Variants in PMF1 observed in about 807,000 individuals in gnomAD.
PMF1 encodes polyamine modulated factor 1.
Under a neutral mutation model 26.7 loss-of-function variants are expected in PMF1, and 21 were observed. That is an observed-to-expected ratio of 0.79 (90% confidence interval 0.56 to 1.13). PMF1 has a LOEUF of 1.13. Among genes scored for constraint, PMF1 ranks in the 50% most tolerant of loss-of-function variants. The pLI is 0.00. For missense variants in PMF1, 266 were observed against 254.9 expected (o/e 1.04, Z -0.30); for synonymous variants, 105 against 101.0 (o/e 1.04, Z -0.24).
intron 1 of PMF1, among the ~76,000 whole-genome samples, chr1:156,229,254 T>G (rs1572496180): frequency 1.3e-5 from 2 of 152,024 alleles, no homozygotes; most frequent in Non-Finnish European, 2.9e-5. Flanking sequence ...CAAGGTGTAC[T>G]CACATGGAAT....
intron 1 of PMF1, among the ~76,000 whole-genome samples, chr1:156,216,757 C>T (rs1462021690): frequency 6.6e-6 from 1 of 151,970 alleles, no homozygotes; most frequent in East Asian, 1.9e-4. Context: ...GCGTGTCAGG[C>T]GTTCTCGTCT....
chr1:156,234,803 C>T (rs61814764), intron 3 of PMF1, among the ~76,000 whole-genome samples: 1 of 151,976 alleles, frequency 6.6e-6, no homozygotes, highest in African/African-American at 2.4e-5. Flanking sequence ...GCCCTCGCGC[C>T]CAGCCTCGAT....
chr1:156,213,291 G>C, intron 1 of PMF1, 115 bp downstream of exon 1: 2 of 1,460,748 alleles, frequency 1.4e-6, no homozygotes, highest in Non-Finnish European at 1.8e-6. Context: ...TGGGGGCGGG[G>C]CAGTCGGACG....
chr1:156,230,471 G>A (rs1017443322), intron 1 of PMF1, among the ~76,000 whole-genome samples: 1 of 152,160 alleles, frequency 6.6e-6, no homozygotes, highest in African/African-American at 2.4e-5. Flanking sequence ...TGGGAGGGCC[G>A]TGTCAGTCTT....
intron 1 of PMF1, chr1:156,220,763 TCTC>T (rs1658038326): frequency 6.6e-6 from 1 of 151,738 alleles, no homozygotes; most frequent in Non-Finnish European, 1.5e-5. Context: ...TTCAAGCAAT[TCTC>T]CTCAGCCTCC....
At chr1:156,216,515 G>A (rs977337575) in intron 1 of PMF1, among the ~76,000 whole-genome samples, 2 of 152,132 alleles carry the variant, frequency 1.3e-5, no homozygotes, top group Non-Finnish European at 2.9e-5. Context: ...CTGGCCTACC[G>A]GTGACCCGGC....
intron 2 of PMF1, 29 bp from the exon 3 acceptor site, chr1:156,233,599 A>G (rs1032447306): frequency 6.2e-7 from 1 of 1,610,498 alleles, no homozygotes. Flanking sequence ...ATCTCGTGTC[A>G]TTACAGCTCT....
At chr1:156,230,796 T>G (rs78311151) in intron 1 of PMF1, among the ~76,000 whole-genome samples, 10,293 of 152,112 alleles carry the variant, frequency 0.068, 1,189 homozygotes, top group African/African-American at 0.24. Flanking sequence ...GCATGATGGC[T>G]CACCCCTAGA....
At chr1:156,215,792 G>T (rs1437901871) in intron 1 of PMF1, among the ~76,000 whole-genome samples, 1 of 152,018 alleles carries the variant, frequency 6.6e-6, no homozygotes, top group African/African-American at 2.4e-5. Flanking sequence ...GGGTTCAAGC[G>T]ATTCTCCTGT....
intron 1 of PMF1, chr1:156,220,745 C>T (rs560385404): frequency 5.9e-5 from 9 of 152,078 alleles, no homozygotes; most frequent in African/African-American, 1.2e-4. Flanking sequence ...CAACCTCCAC[C>T]TCCTGGGTTC....
At chr1:156,231,445 G>A (rs978633828) in intron 1 of PMF1, among the ~76,000 whole-genome samples, 11 of 151,626 alleles carry the variant, frequency 7.3e-5, no homozygotes, top group Non-Finnish European at 1.0e-4. Context: ...GATTACACCT[G>A]TAATCCTAGC....
In PMF1 at chr1:156,233,736, T is replaced by A; in HGVS notation, c.368+8T>A. On this transcript the variant is annotated splice_region_variant and intron_variant, in intron 3 of 4. Transcript: ENST00000368277. Reference sequence around the variant, plus strand: ...CCGCAAAGAGCCAGCCTGGTGAGAGTGGGGTGGGGAGGTGAGAAGGTACAG... The same window carrying A: ...CCGCAAAGAGCCAGCCTGGTGAGAGAGGGGTGGGGAGGTGAGAAGGTACAG... 1 of 1,608,474 alleles carries A rather than the reference T, an allele frequency of 6.2e-7. No homozygotes were observed. Among genetic ancestry groups the A allele is most frequent in the Non-Finnish European group, 8.5e-7 (1 of 1,177,638 alleles).
chr1:156,225,489 C>T (rs1236931539), intron 1 of PMF1: 1 of 915,132 alleles, frequency 1.1e-6, no homozygotes, highest in African/African-American at 1.6e-5. Context: ...TCCATTGTAC[C>T]ATTCTTCTGC....
intron 1 of PMF1, among the ~76,000 whole-genome samples, chr1:156,216,558 T>G (rs1062299): frequency 6.6e-6 from 1 of 151,942 alleles, no homozygotes; most frequent in East Asian, 1.9e-4. Flanking sequence ...AGCCGCCTGC[T>G]GGGGCCCGCG....
At chr1:156,236,536 A>C in intron 4 of PMF1, 53 bp downstream of exon 4, 1 of 1,532,830 alleles carries the variant, frequency 6.5e-7, no homozygotes, top group Non-Finnish European at 8.8e-7. Context: ...GCCCTCTGAG[A>C]TCCGCAAATT....
At position 156,226,253 on chromosome 1, in the gene PMF1, C is replaced by T. The variant is rs2080281; in HGVS notation, c.162-6067C>T. Among the ~76,000 whole-genome samples the T allele has an allele frequency of 9.1e-3, 1,387 of 152,302 alleles. 8 individuals are homozygous for T. Among genetic ancestry groups the T allele is most frequent in the Middle Eastern group, 0.058 (17 of 294 alleles). On this transcript the variant is annotated intron_variant, in intron 1 of 4. Transcript: ENST00000368277. ...ACTCCTGGGCTAAGTGATCCTCCTG[C>T]GTTGGCCTCCCAAGAAAAAATAACA...
intron 1 of PMF1, among the ~76,000 whole-genome samples, chr1:156,222,628 C>T (rs962308835): frequency 2.6e-5 from 4 of 152,158 alleles, no homozygotes; most frequent in Non-Finnish European, 4.4e-5. Context: ...GTGATCTGCC[C>T]GCCTCGGCCT....
chr1:156,229,720 A>G (rs1489010273), intron 1 of PMF1, among the ~76,000 whole-genome samples: 1 of 151,808 alleles, frequency 6.6e-6, no homozygotes, highest in Non-Finnish European at 1.5e-5. Flanking sequence ...ACAGGCGTGC[A>G]TCACCACGCC....
intron 4 of PMF1, chr1:156,236,943 A>G (rs1180900608): frequency 1.2e-5 from 2 of 166,480 alleles, no homozygotes; most frequent in Non-Finnish European, 2.6e-5. Context: ...ATCATATTTT[A>G]CATATTTAGG....
Sources: gnomAD v4.1 joint callset for allele counts (sites outside exome capture counted in the v4.1 genomes callset) on GRCh38, gnomAD v4.1.1 for gene constraint, MANE v1.5 for transcripts, NCBI Gene and HGNC (gene_info 2026-07-23, HGNC 2026-07-21) for gene names.